The following PAN3 variants were observed in gnomAD, a reference collection of about 807,000 sequenced individuals.
The protein encoded by PAN3 is PAN2-PAN3 deadenylation complex subunit PAN3.
In PAN3, 19 loss-of-function variants were observed where a neutral mutation model predicts 96.2. That is an observed-to-expected ratio of 0.20 (90% CI 0.14 to 0.29). The LOEUF is 0.29. PAN3 is among the 10% of genes least tolerant of loss of function. The probability of loss-of-function intolerance (pLI) is 1.00; values close to 1 mark genes in which losing one functional copy is unlikely to be tolerated. For synonymous variants in PAN3, 433 were observed against 406.6 expected, an observed-to-expected ratio of 1.06 and a Z score of -0.78; for missense variants, 882 against 1,108.1, an observed-to-expected ratio of 0.80 and a Z score of 2.90.
Position 28,280,548 on chromosome 13 carries a change from A to C in PAN3, c.2319+7A>C, listed in dbSNP as rs749756444. 4.7e-5 allele frequency: 61 copies of C among 1,286,072 alleles called. No homozygotes were observed. The highest frequency in any genetic ancestry group is 6.5e-5 in the Non-Finnish European group (60 of 926,212). 79.7% of individuals were successfully genotyped at this position (1,286,072 alleles called of 1,614,324 possible). Reference sequence around the variant, plus strand: ...AGAGGAAGACCTTGCAAAGGTAAAGAGTGTAAATTTTTTTTTTTTTTTTTT... The same window carrying C: ...AGAGGAAGACCTTGCAAAGGTAAAGCGTGTAAATTTTTTTTTTTTTTTTTT... On this transcript the variant is annotated splice_region_variant and intron_variant, in intron 16 of 18. Coordinates refer to ENST00000380958, the MANE Select transcript of PAN3 (RefSeq NM_175854.8).
chr13:28,139,618 G>C (rs1039491776), intron 1 of PAN3, among the ~76,000 whole-genome samples: 4 of 151,372 alleles, frequency 2.6e-5, no homozygotes, highest in African/African-American at 9.7e-5. Flanking sequence ...GAAAAAGTTT[G>C]TAGAAGGCTT....
intron 1 of PAN3, among the ~76,000 whole-genome samples, chr13:28,168,258 G>A (rs1873843595): frequency 1.3e-5 from 2 of 152,128 alleles, no homozygotes; most frequent in Admixed American, 6.5e-5. Flanking sequence ...ATACCTACTC[G>A]CTGAGCATCC....
At chr13:28,281,241 T>A (rs1887448289) in intron 16 of PAN3, 74 bp from the exon 17 acceptor site, 2 of 1,166,944 alleles carry the variant, frequency 1.7e-6, no homozygotes, top group South Asian at 1.3e-5. Context: ...AGGTTACCAG[T>A]TTTTGTAAAT....
chr13:28,190,169 T>G (rs1487735629), intron 4 of PAN3, among the ~76,000 whole-genome samples: 1 of 152,134 alleles, frequency 6.6e-6, no homozygotes, highest in Non-Finnish European at 1.5e-5. Context: ...GGTCTGGAAC[T>G]CCTGACCTCA....
Position 28,291,724 on chromosome 13 carries a change from G to A in PAN3, c.2524-658G>A, listed in dbSNP as rs182324278. On this transcript the variant is annotated intron_variant, in intron 18 of 18. Coordinates refer to ENST00000380958, the MANE Select transcript of PAN3 (RefSeq NM_175854.8). ...CAGGTGCCTATAATCCCAGCTACTC[G>A]GGAGGTTGAGGCAGGAGAATTGCTT... is the stretch of plus-strand genomic sequence containing the variant. Among the ~76,000 whole-genome samples, 636 of 152,176 alleles carry A rather than the reference G, an allele frequency of 4.2e-3. 3 individuals are homozygous for A. The highest frequency in any genetic ancestry group is 7.0e-3 in the Non-Finnish European group (474 of 67,992).
intron 6 of PAN3, among the ~76,000 whole-genome samples, chr13:28,249,367 A>G (rs969188012): frequency 6.6e-6 from 1 of 152,240 alleles, no homozygotes; most frequent in South Asian, 2.1e-4. Context: ...TCACGTGGTC[A>G]CCACTAGATT....
chr13:28,295,138 C>A lies in PAN3; in HGVS notation c.*2616C>A, dbSNP rs1447756582. On this transcript the variant is annotated 3_prime_UTR_variant, in exon 19 of 19. Coordinates refer to ENST00000380958, the MANE Select transcript of PAN3 (RefSeq NM_175854.8). ...TTAAATTCTGTTAGTGTATTTACTTCATTGTAAATATTTTTGAGGGTACCT... is the reference window on the plus strand; with the variant it reads ...TTAAATTCTGTTAGTGTATTTACTTAATTGTAAATATTTTTGAGGGTACCT... 1 of 152,120 alleles carries A rather than the reference C, an allele frequency of 6.6e-6. No individual in the cohort carries two copies. The highest frequency in any genetic ancestry group is 1.5e-5 in the Non-Finnish European group (1 of 68,008). 9.4% of individuals were successfully genotyped at this position (152,120 alleles called of 1,614,324 possible). A position where few individuals can be genotyped will look rare whatever the true frequency, so the allele number is the denominator to read the frequency against.
chr13:28,202,683 T>C lies in PAN3; in HGVS notation c.852+5337T>C, dbSNP rs536070876. Among the ~76,000 whole-genome samples the C allele has an allele frequency of 5.9e-5, 9 of 151,504 alleles. No homozygotes were observed. In the South Asian group the frequency reaches 1.9e-3, roughly 31 times the overall value. Reference sequence around the variant, plus strand: ...TACACACACACACACACACACAATTTGTTTAACTTACTTTACTATTCCTAG... The same window carrying C: ...TACACACACACACACACACACAATTCGTTTAACTTACTTTACTATTCCTAG... On this transcript the variant is annotated intron_variant, in intron 5 of 18. Coordinates refer to ENST00000380958, the MANE Select transcript of PAN3 (RefSeq NM_175854.8).
Position 28,207,045 on chromosome 13 carries a change from AG to A in PAN3, c.852+9701del, listed in dbSNP as rs1386443272. Among the ~76,000 whole-genome samples, 6 of 152,312 alleles carry A rather than the reference AG, an allele frequency of 3.9e-5. No individual in the cohort carries two copies. In the South Asian group the frequency reaches 6.2e-4, roughly 16 times the overall value. The stretch of plus-strand genomic sequence containing the variant: ...GTTAGGGATCCTCCCCCTCTCACAG[AG>A]GCAGGGCGGGTTCCTGTAAAAAATA... On this transcript the variant is annotated intron_variant, in intron 5 of 18. Coordinates refer to ENST00000380958, the MANE Select transcript of PAN3 (RefSeq NM_175854.8).
intron 6 of PAN3, among the ~76,000 whole-genome samples, chr13:28,234,027 A>G (rs1882851797): frequency 6.6e-6 from 1 of 152,104 alleles, no homozygotes; most frequent in Non-Finnish European, 1.5e-5. Flanking sequence ...CTTTTCTTTC[A>G]GTTCTATAAA....
Position 28,139,514 on chromosome 13 carries a change from T to TTGTGTGTGTGTGTG in PAN3, c.430+451_430+464dup, listed in dbSNP as rs10577740. Among the ~76,000 whole-genome samples, 654 of 93,118 alleles carry TTGTGTGTGTGTGTG rather than the reference T, an allele frequency of 7.0e-3. 18 individuals carry two copies. The highest frequency in any genetic ancestry group is 0.022 in the African/African-American group (424 of 19,096). The allele number at this position is 93,118 out of a possible 152,430, so 61.1% of individuals were successfully genotyped here. Reference sequence around the variant, plus strand: ...GGTTCCCTAGTGGGGAGGGGTGTGTTTGTGTGTGTGTGTGTGTGTGTGTGT... The same window carrying TTGTGTGTGTGTGTG: ...GGTTCCCTAGTGGGGAGGGGTGTGTTTGTGTGTGTGTGTGTGTGTGTGTGTGTGTGTGTGTGTGT... On this transcript the variant is annotated intron_variant, in intron 1 of 18. Coordinates refer to ENST00000380958, the MANE Select transcript of PAN3 (RefSeq NM_175854.8).
chr13:28,257,760 T>TA (rs1566235285), intron 7 of PAN3, among the ~76,000 whole-genome samples: 1 of 112,528 alleles, frequency 8.9e-6, no homozygotes, highest in African/African-American at 3.1e-5. Context: ...ATATAATTAA[T>TA]TATATATTAT....
At chr13:28,195,178 G>A (rs983698550) in intron 4 of PAN3, among the ~76,000 whole-genome samples, 3 of 152,092 alleles carry the variant, frequency 2.0e-5, no homozygotes, top group Non-Finnish European at 4.4e-5. Flanking sequence ...GGGAGGTGGT[G>A]GATGGCTTGA....
chr13:28,278,228 C>G (rs1341380040), intron 15 of PAN3, among the ~76,000 whole-genome samples: 4 of 152,204 alleles, frequency 2.6e-5, no homozygotes, highest in Non-Finnish European at 4.4e-5. Context: ...GATTGCCCAC[C>G]TGTTCTTTGT....
chr13:28,204,191 A>G (rs1879087066), intron 5 of PAN3, among the ~76,000 whole-genome samples: 1 of 152,170 alleles, frequency 6.6e-6, no homozygotes, highest in Admixed American at 6.5e-5. Context: ...GAGACACCAC[A>G]TCAAAAACAC....
intron 1 of PAN3, among the ~76,000 whole-genome samples, chr13:28,151,720 G>C (rs937348881): frequency 3.3e-5 from 5 of 152,166 alleles, no homozygotes; most frequent in African/African-American, 1.2e-4. Flanking sequence ...GAGGAGTCAA[G>C]GGTTTGTTTC....
In PAN3 at chr13:28,257,767, T is replaced by TAA. The variant is rs1380523455; in HGVS notation, c.1248+1228_1248+1229insAA. ...TATATAATATATAATTAATTATATA[T>TAA]TATATATAAATTATATATAATATAT... is the stretch of plus-strand genomic sequence containing the variant. On this transcript the variant is annotated intron_variant, in intron 7 of 18. Transcript: ENST00000380958. 3.5e-3 allele frequency among the ~76,000 whole-genome samples: 483 copies of TAA among 139,018 alleles called. 6 individuals are homozygous for TAA. The highest frequency in any genetic ancestry group is 0.012 in the African/African-American group (458 of 37,646). 91.2% of individuals were successfully genotyped at this position (139,018 alleles called of 152,430 possible).
At chr13:28,226,424 A>G (rs535550886) in intron 6 of PAN3, among the ~76,000 whole-genome samples, 265 of 152,300 alleles carry the variant, frequency 1.7e-3, no homozygotes, top group Non-Finnish European at 3.2e-3. Flanking sequence ...TGTACTTAAT[A>G]TCAATAATGG....
intron 1 of PAN3, among the ~76,000 whole-genome samples, chr13:28,164,918 A>ATT (rs138453830): frequency 2.6e-5 from 4 of 151,374 alleles, no homozygotes; most frequent in African/African-American, 9.7e-5. Context: ...AGAAGTTCTT[A>ATT]TTTTTTTTTA....
Sources: gnomAD v4.1 joint callset for allele counts (sites outside exome capture counted in the v4.1 genomes callset) on GRCh38, gnomAD v4.1.1 for gene constraint, MANE v1.5 for transcripts, NCBI Gene and HGNC (gene_info 2026-07-23, HGNC 2026-07-21) for gene names.